Variants in LRMDA observed in about 807,000 individuals in gnomAD.
LRMDA encodes the protein leucine rich melanocyte differentiation associated, also known as leucine-rich melanocyte differentiation-associated protein.
Under a neutral mutation model 29.8 loss-of-function variants are expected in LRMDA, and 18 were observed. The observed-to-expected ratio is 0.60, with a 90% CI of 0.42 to 0.90. The LOEUF (loss-of-function observed/expected upper bound fraction) is 0.90, where lower values mean the gene tolerates loss of function less well. Among genes scored for constraint, LRMDA ranks in the 40% least tolerant of loss-of-function variants. The pLI is 0.00. For synonymous variants in LRMDA, 125 were observed against 109.4 expected, an observed-to-expected ratio of 1.14 and a Z score of -0.89; for missense variants, 273 against 273.9, an observed-to-expected ratio of 1.00 and a Z score of 0.02.
At chr10:75,470,198 T>C (rs1844708839) in intron 2 of LRMDA, among the ~76,000 whole-genome samples, 1 of 152,098 alleles carries the variant, frequency 6.6e-6, no homozygotes, top group Non-Finnish European at 1.5e-5. Flanking sequence ...TCAGTGAAGA[T>C]CAAAACATAA....
chr10:76,432,903 A>G (rs866232237), intron 6 of LRMDA, among the ~76,000 whole-genome samples: 1 of 152,184 alleles, frequency 6.6e-6, no homozygotes, highest in African/African-American at 2.4e-5. Context: ...TAGCACTAGC[A>G]TGTGGTGGCC....
chr10:76,470,971 G>A (rs1015961183), intron 6 of LRMDA, among the ~76,000 whole-genome samples: 6 of 151,692 alleles, frequency 4.0e-5, no homozygotes, highest in Admixed American at 2.6e-4. Context: ...CTCTAAAAAA[G>A]CAATTATATA....
chr10:75,691,211 T>C (rs146477798), intron 2 of LRMDA, among the ~76,000 whole-genome samples: 1,981 of 141,966 alleles, frequency 0.014, 46 homozygotes, highest in East Asian at 0.11. Context: ...CACACACACA[T>C]ATATATATAC....
rs75898886 is a variant in LRMDA at position 75,490,630 on chromosome 10, C to T, written c.131+52136C>T. ...TTTCATTTTAGAGAGGAGACTCAGGCCCTCCAGAGAGGCATTGATTATCCC... is the reference window on the plus strand; with the variant it reads ...TTTCATTTTAGAGAGGAGACTCAGGTCCTCCAGAGAGGCATTGATTATCCC... On this transcript the variant is annotated intron_variant, in intron 2 of 6. Transcript: ENST00000611255. 8.6e-3 allele frequency among the ~76,000 whole-genome samples: 1,315 copies of T among 152,198 alleles called. 16 individuals carry two copies. Among genetic ancestry groups the T allele is most frequent in the African/African-American group, 0.025 (1,038 of 41,540 alleles).
rs538338835 is a variant in LRMDA, at chr10:76,370,267, A to C, written c.601+45782A>C. 2.5e-4 allele frequency among the ~76,000 whole-genome samples: 38 copies of C among 151,990 alleles called. No homozygotes were observed. In the South Asian group the frequency reaches 3.3e-3, roughly 13 times the overall value. On this transcript the variant is annotated intron_variant, in intron 6 of 6. Coordinates refer to ENST00000611255, the MANE Select transcript of LRMDA (RefSeq NM_001305581.2). ...AAAAAACAAAACAAACAAACAAAAA[A>C]CCCATCCAGCTATAAAGAGCTGCCA...
chr10:76,517,018 T>C (rs1843068872), intron 6 of LRMDA, among the ~76,000 whole-genome samples: 1 of 152,194 alleles, frequency 6.6e-6, no homozygotes, highest in African/African-American at 2.4e-5. Flanking sequence ...ATTAGTAAAC[T>C]AGTAAGTTGC....
intron 2 of LRMDA, among the ~76,000 whole-genome samples, chr10:75,447,482 C>T (rs1844408533): frequency 6.6e-6 from 1 of 152,096 alleles, no homozygotes; most frequent in Admixed American, 6.5e-5. Flanking sequence ...GCCAAGATCA[C>T]ACCACTGCAC....
intron 2 of LRMDA, among the ~76,000 whole-genome samples, chr10:75,764,609 G>T (rs1444607762): frequency 1.3e-5 from 2 of 152,176 alleles, no homozygotes; most frequent in South Asian, 4.1e-4. Flanking sequence ...TCTGCTGTGG[G>T]TGATGTGTCA....
intron 2 of LRMDA, among the ~76,000 whole-genome samples, chr10:75,703,658 G>T (rs946666085): frequency 6.6e-6 from 1 of 152,324 alleles, no homozygotes; most frequent in Admixed American, 6.5e-5. Flanking sequence ...CATCCTTCAT[G>T]ATGTTTACAG....
At chr10:76,060,926 G>T (rs1438267571) in intron 5 of LRMDA, among the ~76,000 whole-genome samples, 1 of 152,158 alleles carries the variant, frequency 6.6e-6, no homozygotes, top group Non-Finnish European at 1.5e-5. Context: ...GCCTGTTAAG[G>T]TGTAAATTAG....
intron 2 of LRMDA, among the ~76,000 whole-genome samples, chr10:75,676,135 C>T (rs1184035612): frequency 7.0e-6 from 1 of 143,506 alleles, no homozygotes; most frequent in East Asian, 1.9e-4. Flanking sequence ...AGGTTACTGC[C>T]TTTGATTCCA....
intron 5 of LRMDA, among the ~76,000 whole-genome samples, chr10:76,301,597 G>A (rs1840480972): frequency 1.3e-5 from 2 of 151,910 alleles, no homozygotes; most frequent in Non-Finnish European, 1.5e-5. Flanking sequence ...ATGAACTGAC[G>A]GATCTCTCTA....
intron 2 of LRMDA, among the ~76,000 whole-genome samples, chr10:75,529,577 A>G (rs1845452752): frequency 6.6e-6 from 1 of 152,122 alleles, no homozygotes; most frequent in African/African-American, 2.4e-5. Flanking sequence ...ATCAGCCTGG[A>G]GTGGTTGGGA....
chr10:76,555,170 C>T (rs569971225), intron 6 of LRMDA, among the ~76,000 whole-genome samples: 3 of 152,222 alleles, frequency 2.0e-5, no homozygotes, highest in African/African-American at 7.2e-5. Flanking sequence ...AGAGCCTGAT[C>T]AGCCAAGCCC....
intron 6 of LRMDA, among the ~76,000 whole-genome samples, chr10:76,386,469 C>A (rs1841660958): frequency 6.6e-6 from 1 of 152,088 alleles, no homozygotes; most frequent in South Asian, 2.1e-4. Flanking sequence ...TAAGTTGATG[C>A]CTTTGCATTG....
intron 2 of LRMDA, among the ~76,000 whole-genome samples, chr10:75,725,541 T>A (rs1254229359): frequency 6.6e-6 from 1 of 152,210 alleles, no homozygotes; most frequent in Non-Finnish European, 1.5e-5. Context: ...GTTGTGTAAA[T>A]CACTCTGTGT....
intron 2 of LRMDA, among the ~76,000 whole-genome samples, chr10:75,758,461 G>A (rs544322910): frequency 2.0e-5 from 3 of 152,298 alleles, no homozygotes; most frequent in East Asian, 3.9e-4. Flanking sequence ...GCTGGGACCC[G>A]TCAGCGTTGC....
In LRMDA at chr10:76,102,439, C is replaced by T. The variant is rs555574650; in HGVS notation, c.516+43656C>T. ...ATTGTTGTTCCCCTCTTAGTGTTTG[C>T]GAATTCTCATTGTTTAGCTCGCATT... On this transcript the variant is annotated intron_variant, in intron 5 of 6. Transcript: ENST00000611255. Among the ~76,000 whole-genome samples, 15 of 152,196 alleles carry T rather than the reference C, an allele frequency of 9.9e-5. No individual in the cohort carries two copies. In the South Asian group the frequency reaches 2.1e-3, roughly 21 times the overall value.
chr10:76,353,481 T>C (rs1225668312), intron 6 of LRMDA, among the ~76,000 whole-genome samples: 1 of 152,018 alleles, frequency 6.6e-6, no homozygotes, highest in Non-Finnish European at 1.5e-5. Context: ...TCCTGACAAA[T>C]ACCAGGGCTC....
Sources: allele counts gnomAD v4.1 joint callset (sites outside exome capture counted in the v4.1 genomes callset), GRCh38; gene constraint gnomAD v4.1.1; transcripts MANE v1.5; gene names NCBI Gene and HGNC (gene_info 2026-07-23, HGNC 2026-07-21).